The following PHF3 variants were observed in gnomAD, a reference collection of about 807,000 sequenced individuals.
PHF3 encodes the protein PHD finger protein 3.
PHF3 carries 41 observed loss-of-function variants against 178.4 expected under a neutral mutation model. The observed-to-expected ratio is 0.23, with a 90% CI of 0.18 to 0.30. The LOEUF is 0.30. PHF3 is among the 10% of genes least tolerant of loss of function. The pLI is 1.00. For missense variants in PHF3, 2,346 were observed against 2,398.1 expected, an observed-to-expected ratio of 0.98 and a Z score of 0.45; for synonymous variants, 842 against 800.5, an observed-to-expected ratio of 1.05 and a Z score of -0.88.
At chr6:63,661,011 T>C (rs1406664239) in intron 2 of PHF3, among the ~76,000 whole-genome samples, 4 of 152,088 alleles carry the variant, frequency 2.6e-5, no homozygotes, top group African/African-American at 4.8e-5. Flanking sequence ...TTCTTTGTCT[T>C]TTACCCAGTA....
intron 3 of PHF3, 52 bp from the exon 4 acceptor site, chr6:63,684,077 G>C (rs1022195992): frequency 3.0e-6 from 4 of 1,336,998 alleles, no homozygotes; most frequent in Non-Finnish European, 4.1e-6. Context: ...TGAAATAAAA[G>C]CACATGACAA....
intron 2 of PHF3, among the ~76,000 whole-genome samples, chr6:63,656,599 CCT>C (rs1765244666): frequency 6.6e-6 from 1 of 152,158 alleles, no homozygotes; most frequent in African/African-American, 2.4e-5. Context: ...CCCAGAGCCC[CCT>C]GAGTTTGTCA....
chr6:63,721,257 G>T lies in PHF3; in HGVS notation c.*7549G>T. 1 of 1,551,878 alleles carries T rather than the reference G, an allele frequency of 6.4e-7. No homozygotes were observed. The highest frequency in any genetic ancestry group is 8.7e-7 in the Non-Finnish European group (1 of 1,146,946). ...AAATGATTGGTCAGGTATACATAAAGATTGGTGGAGGCAAAGATTATTCAA... is the reference window on the plus strand; with the variant it reads ...AAATGATTGGTCAGGTATACATAAATATTGGTGGAGGCAAAGATTATTCAA... On this transcript the variant is annotated 3_prime_UTR_variant, in exon 16 of 16. Transcript: ENST00000262043.
chr6:63,681,697 G>T (rs1766444802), intron 3 of PHF3, among the ~76,000 whole-genome samples: 1 of 151,984 alleles, frequency 6.6e-6, no homozygotes, highest in African/African-American at 2.4e-5. Flanking sequence ...GTTTTAAACA[G>T]TTTTTGTCTC....
In PHF3 at chr6:63,646,602, T is replaced by A; in HGVS notation, c.51T>A (p.Asp17Glu). ...FNHLIPTEHL[D>E]DALFLGSNLE... ...ATTTAATTCCTACTGAACACTTAGA[T>A]GATGCCCTATTTCTAGGATCCAACC... The change falls in exon 2 of 16, where the codon GAT becomes GAA. Residue 17 changes from aspartate to glutamate, a missense_variant. This residue lies in a region of PHF3 where 843 missense variants were observed against 795.2 expected (regional missense o/e 1.06). Transcript: ENST00000262043. The A allele has an allele frequency of 6.2e-7, 1 of 1,613,538 alleles. No individual in the cohort carries two copies. Among genetic ancestry groups the A allele is most frequent in the Non-Finnish European group, 8.5e-7 (1 of 1,179,564 alleles).
rs1768383175 is a variant in PHF3, at chr6:63,721,405, C to T, written c.*7697C>T. ...CATGTGTTGTACCCACAGGCTGTCC[C>T]ATCACAGTCACCTACATTTGAGCCA... On this transcript the variant is annotated 3_prime_UTR_variant, in exon 16 of 16. Transcript: ENST00000262043. The T allele has an allele frequency of 1.3e-6, 2 of 1,551,718 alleles. No individual in the cohort carries two copies. Among genetic ancestry groups the T allele is most frequent in the Non-Finnish European group, 1.7e-6 (2 of 1,146,940 alleles).
chr6:63,668,737 C>T (rs1765783522), intron 2 of PHF3, among the ~76,000 whole-genome samples: 1 of 152,074 alleles, frequency 6.6e-6, no homozygotes, highest in South Asian at 2.1e-4. Context: ...TTTTTTAACC[C>T]AATCACCTCA....
At chr6:63,658,784 T>A (rs1561946126) in intron 2 of PHF3, among the ~76,000 whole-genome samples, 1 of 149,966 alleles carries the variant, frequency 6.7e-6, no homozygotes, top group Non-Finnish European at 1.5e-5. Context: ...AGGGAGAGAT[T>A]GATTGATTGA....
At chr6:63,669,575 C>T (rs1004399278) in intron 2 of PHF3, among the ~76,000 whole-genome samples, 2 of 152,280 alleles carry the variant, frequency 1.3e-5, no homozygotes, top group Middle Eastern at 3.4e-3. Flanking sequence ...TAAGGGACTA[C>T]ACTCTTAAAA....
chr6:63,664,855 A>G (rs1347103400), intron 2 of PHF3, among the ~76,000 whole-genome samples: 1 of 152,026 alleles, frequency 6.6e-6, no homozygotes, highest in Non-Finnish European at 1.5e-5. Context: ...TAGTTATTGT[A>G]CAATAACTAC....
At chr6:63,688,370 T>A (rs1350308597) in intron 4 of PHF3, among the ~76,000 whole-genome samples, 1 of 1,026 alleles carries the variant, frequency 9.7e-4, no homozygotes, top group Non-Finnish European at 1.2e-3. Flanking sequence ...AAAGTCTCAC[T>A]GTTGCCCAGG....
intron 2 of PHF3, among the ~76,000 whole-genome samples, chr6:63,666,848 T>C (rs1582037067): frequency 6.7e-6 from 1 of 150,326 alleles, no homozygotes; most frequent in Non-Finnish European, 1.5e-5. Flanking sequence ...GCCTCCCGGG[T>C]TCAAGCCATT....
chr6:63,695,314 A>G (rs1767186282), intron 6 of PHF3, among the ~76,000 whole-genome samples: 1 of 152,208 alleles, frequency 6.6e-6, no homozygotes, highest in South Asian at 2.1e-4. Flanking sequence ...GAACAGTGTT[A>G]GAAGATGAGT....
Position 63,712,383 on chromosome 6 carries a change from G to A in PHF3, c.4795G>A (p.Glu1599Lys), listed in dbSNP as rs756706609. The A allele has an allele frequency of 8.7e-6, 14 of 1,613,812 alleles. No homozygotes were observed. The highest frequency in any genetic ancestry group is 1.1e-5 in the Non-Finnish European group (13 of 1,179,890). The change falls in exon 16 of 16, where the codon GAA becomes AAA. Residue 1599 changes from glutamate to lysine, a missense_variant. Transcript: ENST00000262043. ...KEKTLKRQLQ[E>K]DQENNLQDNQ... ...GAAAACATTAAAAAGACAGCTTCAG[G>A]AAGATCAAGAGAATAATTTGCAAGA...
intron 1 of PHF3, among the ~76,000 whole-genome samples, chr6:63,638,389 A>G (rs1190200023): frequency 6.6e-6 from 1 of 152,266 alleles, no homozygotes; most frequent in African/African-American, 2.4e-5. Context: ...ACTGAAATAG[A>G]TGATGTTTAT....
chr6:63,660,534 A>G (rs569764019), intron 2 of PHF3, among the ~76,000 whole-genome samples: 1 of 152,084 alleles, frequency 6.6e-6, no homozygotes. Context: ...GTAAAACAAA[A>G]CTTGATGATC....
rs569924695 is a variant in PHF3, at chr6:63,714,563, G to A, written c.*855G>A. 2.0e-5 allele frequency: 3 copies of A among 152,422 alleles called. No homozygotes were observed. The highest frequency in any genetic ancestry group is 4.4e-5 in the Non-Finnish European group (3 of 67,954). 9.4% of individuals were successfully genotyped at this position (152,422 alleles called of 1,614,324 possible). On this transcript the variant is annotated 3_prime_UTR_variant, in exon 16 of 16. Coordinates refer to ENST00000262043, the MANE Select transcript of PHF3 (RefSeq NM_001370348.2). Reference sequence around the variant, plus strand: ...ACTCAGCCAAGAACATATAGAAATAGCTATCTATGTCAGGCATTAGATGAG... The same window carrying A: ...ACTCAGCCAAGAACATATAGAAATAACTATCTATGTCAGGCATTAGATGAG...
chr6:63,685,366 A>G lies in PHF3; in HGVS notation c.1644A>G (p.Arg548=). The G allele has an allele frequency of 6.2e-7, 1 of 1,614,038 alleles. No homozygotes were observed. Among genetic ancestry groups the G allele is most frequent in the Non-Finnish European group, 8.5e-7 (1 of 1,179,990 alleles). Residue 548 remains arginine, a synonymous_variant, in exon 4 of 16, where the codon AGA becomes AGG. Coordinates refer to ENST00000262043, the MANE Select transcript of PHF3 (RefSeq NM_001370348.2). ...ATTTTCATAGGCCAGTCAAAGTCAG[A>G]AAAAAACAAATTGATAAGGAGCCAA... The part of the protein sequence containing the change: ...QQNFHRPVKV[R]KKQIDKEPKI...
intron 5 of PHF3, 30 bp from the exon 6 acceptor site, chr6:63,694,551 A>G (rs1767149096): frequency 3.6e-6 from 5 of 1,373,522 alleles, no homozygotes; most frequent in Non-Finnish European, 4.8e-6. Context: ...AGTTATTTTC[A>G]TTCTAATGAA....
Sources: gnomAD v4.1 joint callset for allele counts (sites outside exome capture counted in the v4.1 genomes callset) on GRCh38, gnomAD v4.1.1 for gene constraint, gnomAD v4.1.1 regional missense constraint, MANE v1.5 for transcripts, NCBI Gene and HGNC (gene_info 2026-07-23, HGNC 2026-07-21) for gene names.